GET1: variants seen among roughly 807,000 people sequenced by gnomAD.
GET1 encodes congenital heart disease 5 protein.
Under a neutral mutation model 22.6 loss-of-function variants are expected in GET1, and 20 were observed. The observed-to-expected ratio is 0.89, with a 90% CI of 0.62 to 1.29. The LOEUF (loss-of-function observed/expected upper bound fraction) is 1.29, where lower values mean the gene tolerates loss of function less well. Among genes scored for constraint, GET1 ranks in the 50% most tolerant of loss-of-function variants. GET1 has a pLI of 0.00. For synonymous variants in GET1, 92 were observed against 83.8 expected (o/e 1.10, Z -0.53); for missense variants, 209 against 219.9 (o/e 0.95, Z 0.31).
chr21:39,403,349 C>T (rs763444753), intron 4 of GET1, among the ~76,000 whole-genome samples: 1 of 152,150 alleles, frequency 6.6e-6, no homozygotes, highest in Non-Finnish European at 1.5e-5. Flanking sequence ...TAGTTTGACA[C>T]GGAGTCTCGC....
chr21:39,408,941 A>G (rs1473067256), downstream of GET1, among the ~76,000 whole-genome samples: 1 of 152,200 alleles, frequency 6.6e-6, no homozygotes, highest in Non-Finnish European at 1.5e-5. Flanking sequence ...TTTGCTACTC[A>G]GTTTTTCAAA....
chr21:39,405,547 T>G (rs114113271), intron 4 of GET1, among the ~76,000 whole-genome samples: 1,791 of 152,314 alleles, frequency 0.012, 28 homozygotes, highest in African/African-American at 0.041. Flanking sequence ...AATTTTGTTG[T>G]GTAGGAGATG....
chr21:39,400,786 C>T (rs1316695323), downstream of GET1, among the ~76,000 whole-genome samples: 2 of 152,084 alleles, frequency 1.3e-5, no homozygotes, highest in African/African-American at 4.8e-5. Context: ...AGTGCTGACT[C>T]TTACTAGTGA....
At chr21:39,410,244 A>G (rs202241420), downstream of GET1, 120 of 1,480,792 alleles carry the variant, frequency 8.1e-5, no homozygotes, top group Admixed American at 1.9e-4. Flanking sequence ...AGACACTGCA[A>G]GATTCCAAAT....
chr21:39,424,712 G>C (rs377105453), intron 1 of GET1, among the ~76,000 whole-genome samples: 4 of 152,136 alleles, frequency 2.6e-5, no homozygotes, highest in Non-Finnish European at 5.9e-5. Context: ...TACAGATACC[G>C]ATTTTCCATC....
At chr21:39,389,969 A>AT (rs1395520313) in intron 1 of GET1, among the ~76,000 whole-genome samples, 1 of 151,848 alleles carries the variant, frequency 6.6e-6, no homozygotes, top group Non-Finnish European at 1.5e-5. Context: ...ACAGACAAAC[A>AT]TTTGTATTGG....
At chr21:39,428,311 T>TA (rs771824976) in exon 2 of GET1, 22 of 1,613,258 alleles carry the variant, frequency 1.4e-5, no homozygotes, top group Non-Finnish European at 1.9e-5. Context: ...ACTGAGAACT[T>TA]AAACTTCCAC....
chr21:39,419,546 A>AAAAG (rs1342366550), intron 1 of GET1, among the ~76,000 whole-genome samples: 1 of 150,490 alleles, frequency 6.6e-6, no homozygotes, highest in Non-Finnish European at 1.5e-5. Context: ...GAAAAAAGAA[A>AAAAG]AAAGAAAGAA....
At chr21:39,382,205 C>A (rs1481139030) in intron 1 of GET1, among the ~76,000 whole-genome samples, 1 of 152,022 alleles carries the variant, frequency 6.6e-6, no homozygotes, top group Non-Finnish European at 1.5e-5. Context: ...CCAGTACCTG[C>A]CACCATGCCC....
intron 4 of GET1, among the ~76,000 whole-genome samples, chr21:39,396,249 G>A (rs935575515): frequency 2.6e-5 from 4 of 152,076 alleles, no homozygotes; most frequent in African/African-American, 9.7e-5. Flanking sequence ...TACAAAATTA[G>A]CCGGGTGTCG....
Position 39,397,039 on chromosome 21 carries a change from A to T in GET1, c.*100A>T. 2 of 1,281,552 alleles carry T rather than the reference A, an allele frequency of 1.6e-6. No individual in the cohort carries two copies. Among genetic ancestry groups the T allele is most frequent in the South Asian group, 1.3e-5 (1 of 75,776 alleles). The allele number at this position is 1,281,552 out of a possible 1,614,324, so 79.4% of individuals were successfully genotyped here. Reference sequence around the variant, plus strand: ...TTTGTTTTTTAAGAAACAAAAGTGCATAGTTTAGATTTTTTTTTTGTTGAA... The same window carrying T: ...TTTGTTTTTTAAGAAACAAAAGTGCTTAGTTTAGATTTTTTTTTTGTTGAA... On this transcript the variant is annotated 3_prime_UTR_variant, in exon 5 of 5. Coordinates refer to ENST00000649170, the MANE Select transcript of GET1 (RefSeq NM_004627.6).
Position 39,380,962 on chromosome 21 carries a change from C to G in GET1, c.102+476C>G, listed in dbSNP as rs1450774636. 7 of 990,222 alleles carry G rather than the reference C, an allele frequency of 7.1e-6. No individual in the cohort carries two copies. The African/African-American group carries it at 1.2e-4, about 17-fold the overall frequency. The allele number at this position is 990,222 out of a possible 1,614,324, so 61.3% of individuals were successfully genotyped here. A position where few individuals can be genotyped will look rare whatever the true frequency, so the allele number is the denominator to read the frequency against. ...GACAGGTGTAGAGAGAATCTCAGTA[C>G]AGCGTGATGCCTTCAGTATCCAAGG... On this transcript the variant is annotated intron_variant, in intron 1 of 4. Coordinates refer to ENST00000649170, the MANE Select transcript of GET1 (RefSeq NM_004627.6).
intron 1 of GET1, among the ~76,000 whole-genome samples, chr21:39,417,793 T>G (rs971548787): frequency 6.6e-6 from 1 of 151,788 alleles, no homozygotes; most frequent in Non-Finnish European, 1.5e-5. Flanking sequence ...TGAGATGGAG[T>G]CTCGCTCTGT....
rs1250097174 is a variant in GET1 at position 39,380,392 on chromosome 21, C to T, written c.8C>T (p.Ser3Leu). The change falls in exon 1 of 5, where the codon TCA becomes TTA. Residue 3 changes from serine (S) to leucine (L), a missense_variant. Physicochemically the swap from Ser to Leu is moderately radical, Grantham distance 145. Transcript: ENST00000649170. ...CAGCCAGGAGCGTCCGGGATGAGCTCAGCCGCGGCCGACCACTGGGCGTGG... is the reference window on the plus strand; with the variant it reads ...CAGCCAGGAGCGTCCGGGATGAGCTTAGCCGCGGCCGACCACTGGGCGTGG... MS[S>L]AAADHWAWLL... 7 of 1,606,470 alleles carry T rather than the reference C, an allele frequency of 4.4e-6. No homozygotes were observed. In the Admixed American group the frequency reaches 1.0e-4, roughly 23 times the overall value.
intron 3 of GET1, chr21:39,392,092 A>G: frequency 4.3e-6 from 2 of 461,328 alleles, no homozygotes; most frequent in Non-Finnish European, 7.7e-6. Context: ...GAGAGCTTTC[A>G]CCATGCCTGC....
chr21:39,423,895 CTG>C (rs993134308), intron 1 of GET1, among the ~76,000 whole-genome samples: 3 of 152,160 alleles, frequency 2.0e-5, no homozygotes, highest in Non-Finnish European at 4.4e-5. Context: ...TGGCTCATGT[CTG>C]TAATCTCTAC....
chr21:39,394,849 T>C (rs141382839), intron 4 of GET1, among the ~76,000 whole-genome samples: 1 of 152,236 alleles, frequency 6.6e-6, no homozygotes, highest in African/African-American at 2.4e-5. Flanking sequence ...CATAGCACCA[T>C]ATCAGTACAT....
downstream of GET1, among the ~76,000 whole-genome samples, chr21:39,402,421 C>A (rs1384696716): frequency 2.6e-5 from 4 of 152,276 alleles, no homozygotes; most frequent in African/African-American, 4.8e-5. Context: ...TCTTTACTTA[C>A]AATCTTTTAG....
intron 1 of GET1, among the ~76,000 whole-genome samples, chr21:39,412,029 C>A (rs574509373): frequency 1.3e-5 from 2 of 152,262 alleles, no homozygotes; most frequent in Admixed American, 6.5e-5. Context: ...TTTTGAAGAG[C>A]CTTGCAGGTC....
Sources: gnomAD v4.1 joint callset for allele counts (sites outside exome capture counted in the v4.1 genomes callset) on GRCh38, gnomAD v4.1.1 for gene constraint, MANE v1.5 for transcripts, NCBI Gene and HGNC (gene_info 2026-07-23, HGNC 2026-07-21) for gene names.